Variants in PATJ observed in about 807,000 individuals in gnomAD.
PATJ encodes the protein inaD-like protein.
A neutral mutation model predicts 224.9 loss-of-function variants in PATJ; 190 were observed. That is an observed-to-expected ratio of 0.84 (90% confidence interval 0.75 to 0.95). PATJ has a LOEUF of 0.95. PATJ is among the 40% of genes least tolerant of loss of function. The pLI is 0.00. For missense variants in PATJ, 2,121 were observed against 2,270.3 expected (o/e 0.93, Z 1.34); for synonymous variants, 769 against 820.3 (o/e 0.94, Z 1.07).
chr1:61,876,558 T>C (rs6685516), intron 21 of PATJ, among the ~76,000 whole-genome samples: 119,193 of 152,052 alleles, frequency 0.78, 46,852 homozygotes, highest in East Asian at 0.88. Context: ...GGGTGGGGTA[T>C]CCTGTGCATT....
chr1:62,108,512 A>C lies in PATJ; in HGVS notation c.4453A>C (p.Ile1485Leu), dbSNP rs772729800. Residue 1485 changes from isoleucine (I) to leucine (L), a missense_variant, in exon 34 of 44, where the codon ATA (isoleucine) becomes CTA (leucine). Ile to Leu is a conservative substitution (Grantham distance 5, BLOSUM62 2). Coordinates refer to ENST00000642238, the MANE Select transcript of PATJ (RefSeq NM_001350145.3). ...RDGRLWAGDQILEVNGVDLRN... is the reference protein window; with the variant it reads ...RDGRLWAGDQLLEVNGVDLRN... ...TGGAAGACTTTGGGCTGGTGACCAG[A>C]TATTAGAGGTATATGGTTTTGAATT... 21 of 1,602,264 alleles carry C rather than the reference A, an allele frequency of 1.3e-5. No homozygotes were observed. The highest frequency in any genetic ancestry group is 1.6e-5 in the Non-Finnish European group (19 of 1,170,616).
intron 20 of PATJ, among the ~76,000 whole-genome samples, chr1:61,874,821 C>T (rs916174975): frequency 5.3e-5 from 8 of 152,254 alleles, no homozygotes; most frequent in South Asian, 4.1e-4. Flanking sequence ...TGCTAACAAA[C>T]GCTTATAGAT....
Position 62,153,373 on chromosome 1 carries a change from G to A in PATJ, c.5394G>A (p.Lys1798=). The A allele has an allele frequency of 8.1e-7, 1 of 1,231,636 alleles. No individual in the cohort carries two copies. Among genetic ancestry groups the A allele is most frequent in the Non-Finnish European group, 1.0e-6 (1 of 987,580 alleles). The allele number at this position is 1,231,636 out of a possible 1,614,324, so 76.3% of individuals were successfully genotyped here. A position where few individuals can be genotyped will look rare whatever the true frequency, so the allele number is the denominator to read the frequency against. Residue 1798 remains lysine, a synonymous_variant, in exon 43 of 44, where the codon AAG becomes AAA. Transcript: ENST00000642238. ...HPEDTETPPP[K]IITLEKGSEG... ...GTGTTTTCAGAACACCTCCACCTAA[G>A]ATTATTACTTTGGAGAAAGGCTCTG...
chr1:62,003,999 T>C (rs1242536921), intron 28 of PATJ, among the ~76,000 whole-genome samples: 1 of 152,206 alleles, frequency 6.6e-6, no homozygotes, highest in Non-Finnish European at 1.5e-5. Context: ...TCCCCAGTCA[T>C]GGAGTCCTCT....
At chr1:61,767,175 A>G (rs1333951035) in intron 4 of PATJ, among the ~76,000 whole-genome samples, 7 of 152,218 alleles carry the variant, frequency 4.6e-5, no homozygotes, top group African/African-American at 1.7e-4. Context: ...ATTAAAAATT[A>G]AATAATAAAC....
At chr1:61,781,380 A>G (rs1647294200) in intron 7 of PATJ, among the ~76,000 whole-genome samples, 1 of 152,190 alleles carries the variant, frequency 6.6e-6, no homozygotes, top group Non-Finnish European at 1.5e-5. Flanking sequence ...AAATCTCTTC[A>G]GCCTTCTTGC....
intron 27 of PATJ, among the ~76,000 whole-genome samples, chr1:61,989,125 G>A (rs1644925318): frequency 6.6e-6 from 1 of 152,134 alleles, no homozygotes; most frequent in African/African-American, 2.4e-5. Context: ...TTGCTGCACA[G>A]AACCAACACA....
At chr1:61,777,703 C>CTTTTTTTTTTTTTTTTT (rs66470863) in intron 7 of PATJ, among the ~76,000 whole-genome samples, 6 of 48,746 alleles carry the variant, frequency 1.2e-4, no homozygotes, top group African/African-American at 2.1e-4. Flanking sequence ...TTCTTTCTTT[C>CTTTTTTTTTTTTTTTTT]TTTTTTTTTT....
intron 27 of PATJ, among the ~76,000 whole-genome samples, chr1:61,935,809 T>G (rs890852437): frequency 6.6e-6 from 1 of 151,908 alleles, no homozygotes; most frequent in African/African-American, 2.4e-5. Context: ...AAAATTAACC[T>G]GTGTACTGCC....
intron 33 of PATJ, among the ~76,000 whole-genome samples, chr1:62,087,802 C>T (rs541888224): frequency 6.6e-6 from 1 of 151,978 alleles, no homozygotes; most frequent in South Asian, 2.1e-4. Context: ...CTCCTCTTGC[C>T]TTTGCAAGCA....
intron 28 of PATJ, among the ~76,000 whole-genome samples, chr1:61,993,542 G>T (rs964717899): frequency 6.6e-6 from 1 of 152,074 alleles, no homozygotes; most frequent in African/African-American, 2.4e-5. Context: ...TCCCATTCAA[G>T]AACCCACCAA....
chr1:61,791,815 A>G (rs1649931102), intron 9 of PATJ, among the ~76,000 whole-genome samples: 1 of 152,134 alleles, frequency 6.6e-6, no homozygotes. Context: ...TTCCCAAAGT[A>G]TGACTATTGT....
intron 29 of PATJ, among the ~76,000 whole-genome samples, chr1:62,025,941 A>G (rs972181617): frequency 3.3e-5 from 5 of 152,194 alleles, no homozygotes; most frequent in African/African-American, 9.6e-5. Flanking sequence ...ACTGCCAAAT[A>G]TTTTATGAGC....
chr1:61,969,470 T>C (rs1682635093), intron 27 of PATJ, among the ~76,000 whole-genome samples: 1 of 152,200 alleles, frequency 6.6e-6, no homozygotes, highest in Admixed American at 6.5e-5. Flanking sequence ...ATTTTTCTCG[T>C]TGATGAAGCT....
At chr1:61,744,993 G>C (rs1279722506) in intron 1 of PATJ, among the ~76,000 whole-genome samples, 2 of 152,148 alleles carry the variant, frequency 1.3e-5, no homozygotes, top group Non-Finnish European at 2.9e-5. Context: ...AGATGCACAG[G>C]GTGAGGTATG....
chr1:62,024,682 ACACACAC>A (rs1647476302), intron 29 of PATJ, among the ~76,000 whole-genome samples: 1 of 84,900 alleles, frequency 1.2e-5, no homozygotes, highest in Admixed American at 1.3e-4. Flanking sequence ...ACACACACAC[ACACACAC>A]ACACACACAC....
intron 17 of PATJ, among the ~76,000 whole-genome samples, chr1:61,855,018 T>A (rs1408386001): frequency 3.9e-5 from 6 of 152,252 alleles, no homozygotes; most frequent in Non-Finnish European, 8.8e-5. Context: ...ATATACTTTT[T>A]AAAATACAGT....
At chr1:61,902,001 T>G (rs887189676) in intron 24 of PATJ, among the ~76,000 whole-genome samples, 2 of 152,092 alleles carry the variant, frequency 1.3e-5, no homozygotes, top group African/African-American at 4.8e-5. Context: ...AGCAGGCAGA[T>G]CACTTGAGGT....
chr1:61,984,126 TG>T (rs1644601967), intron 27 of PATJ, among the ~76,000 whole-genome samples: 4 of 150,374 alleles, frequency 2.7e-5, no homozygotes, highest in African/African-American at 7.4e-5. Flanking sequence ...TTAATAAAAT[TG>T]TATAACTATG....
Sources: gnomAD v4.1 joint callset for allele counts (sites outside exome capture counted in the v4.1 genomes callset) on GRCh38, gnomAD v4.1.1 for gene constraint, MANE v1.5 for transcripts, NCBI Gene and HGNC (gene_info 2026-07-23, HGNC 2026-07-21) for gene names.